The following MXRA7 variants were observed in gnomAD, a reference collection of about 807,000 sequenced individuals.
MXRA7 encodes matrix-remodeling-associated protein 7.
MXRA7 carries 18 observed loss-of-function variants against 17.4 expected under a neutral mutation model. That is an observed-to-expected ratio of 1.03 (90% CI 0.71 to 1.53). The LOEUF (loss-of-function observed/expected upper bound fraction) is 1.53, where lower values mean the gene tolerates loss of function less well. Among genes scored for constraint, MXRA7 ranks in the 40% most tolerant of loss-of-function variants. The pLI is 0.00. For synonymous variants in MXRA7, 70 were observed against 101.7 expected, an observed-to-expected ratio of 0.69 and a Z score of 1.87; for missense variants, 141 against 209.3, an observed-to-expected ratio of 0.67 and a Z score of 2.01.
intron 1 of MXRA7, among the ~76,000 whole-genome samples, chr17:76,692,717 T>C (rs919674194): frequency 2.0e-5 from 3 of 152,056 alleles, no homozygotes. Context: ...ACTACAAATG[T>C]ACCAAAAAAT....
intron 1 of MXRA7, among the ~76,000 whole-genome samples, chr17:76,705,003 C>G (rs1043896027): frequency 2.6e-5 from 4 of 152,152 alleles, no homozygotes; most frequent in African/African-American, 9.7e-5. Context: ...GCTGGTCTCC[C>G]TCCTCCCACA....
intron 1 of MXRA7, chr17:76,688,915 G>C: frequency 3.4e-6 from 1 of 294,232 alleles, no homozygotes; most frequent in Non-Finnish European, 6.2e-6. Context: ...AGCAGCCCCA[G>C]CTGATCCCAT....
chr17:76,685,573 C>A (rs1400346235), intron 2 of MXRA7, among the ~76,000 whole-genome samples: 1 of 152,226 alleles, frequency 6.6e-6, no homozygotes, highest in East Asian at 1.9e-4. Context: ...TCCCCCCACC[C>A]CCTGTGGCTA....
Position 76,710,947 on chromosome 17 carries a change from C to A in MXRA7, c.-1G>T. On this transcript the variant is annotated 5_prime_UTR_variant, in exon 1 of 4. Transcript: ENST00000449428. ...CCAGTAGCTCGGCCGGCGCCTCCAT[C>A]GCGCCGCGGCCGCCGAGTGCGGGCC... The A allele has an allele frequency of 3.0e-6, 3 of 993,158 alleles. No individual in the cohort carries two copies. The highest frequency in any genetic ancestry group is 4.5e-5 in the South Asian group (1 of 22,346). The allele number at this position is 993,158 out of a possible 1,614,324, so 61.5% of individuals were successfully genotyped here.
chr17:76,698,060 C>T (rs1298610159), intron 1 of MXRA7, among the ~76,000 whole-genome samples: 1 of 152,166 alleles, frequency 6.6e-6, no homozygotes, highest in Non-Finnish European at 1.5e-5. Context: ...TCTCTTGTGG[C>T]CCTGTGGCCA....
At chr17:76,679,325 G>A (rs140317961), downstream of MXRA7, among the ~76,000 whole-genome samples, 10 of 150,782 alleles carry the variant, frequency 6.6e-5, no homozygotes, top group African/African-American at 1.9e-4. Context: ...AGGAATTCCC[G>A]TGAACAGAAA....
intron 3 of MXRA7, among the ~76,000 whole-genome samples, chr17:76,683,655 C>G (rs73996671): frequency 6.6e-6 from 1 of 152,166 alleles, no homozygotes; most frequent in Non-Finnish European, 1.5e-5. Context: ...GGAACCTCTG[C>G]CCCCAGACGG....
At chr17:76,677,805 T>C, downstream of MXRA7, 1 of 755,448 alleles carries the variant, frequency 1.3e-6, no homozygotes, top group South Asian at 1.5e-5. Flanking sequence ...CTCTCTCTTG[T>C]GTGACTGCGG....
In MXRA7 at chr17:76,684,094, C is replaced by T. The variant is rs189597500; in HGVS notation, c.500+978G>A. Among the ~76,000 whole-genome samples the T allele has an allele frequency of 1.1e-4, 17 of 151,152 alleles. No homozygotes were observed. The East Asian group carries it at 3.0e-3, about 27-fold the overall frequency. ...CTGCTGAGGGTCGAGAGCGCTGATG[C>T]CAGCAGCGGGAGGGGAGACAGGGCC... On this transcript the variant is annotated intron_variant, in intron 3 of 3. Coordinates refer to ENST00000449428, the MANE Select transcript of MXRA7 (RefSeq NM_198530.4).
At chr17:76,689,247 A>G (rs1230229221) in intron 1 of MXRA7, 1 of 152,098 alleles carries the variant, frequency 6.6e-6, no homozygotes, top group Non-Finnish European at 1.5e-5. Flanking sequence ...CCGCCACCCA[A>G]GCCCAGCTAA....
intron 1 of MXRA7, among the ~76,000 whole-genome samples, chr17:76,700,901 C>A (rs546252311): frequency 1.3e-5 from 2 of 151,770 alleles, no homozygotes; most frequent in African/African-American, 4.8e-5. Context: ...ACCGACTGCG[C>A]GGAGGCTCAG....
In MXRA7 at chr17:76,710,787, G is replaced by C; in HGVS notation, c.160C>G (p.Pro54Ala). 2 of 968,410 alleles carry C rather than the reference G, an allele frequency of 2.1e-6. No individual in the cohort carries two copies. The highest frequency in any genetic ancestry group is 5.7e-5 in the Admixed American group (1 of 17,474). 60.0% of individuals were successfully genotyped at this position (968,410 alleles called of 1,614,324 possible). ...PAPPAEATGA[P>A]APSRPCAPEP... is the part of the protein sequence containing the mutation. ...GGGGCGCAGGGGCGGGACGGCGCCG[G>C]GGCCCCGGTGGCCTCGGCCGGGGGC... is the stretch of plus-strand genomic sequence containing the variant. Residue 54 changes from proline (P) to alanine (A), a missense_variant, in exon 1 of 4, where the codon CCG becomes GCG. This residue lies in a region of MXRA7 where 72 missense variants were observed against 111.9 expected (regional missense o/e 0.64). Transcript: ENST00000449428.
chr17:76,679,210 C>T (rs908253244), downstream of MXRA7, among the ~76,000 whole-genome samples: 1 of 151,764 alleles, frequency 6.6e-6, no homozygotes, highest in Non-Finnish European at 1.5e-5. Context: ...ATCACTTAAG[C>T]CCACGAGGTC....
downstream of MXRA7, among the ~76,000 whole-genome samples, chr17:76,679,400 CAT>C (rs2076269407): frequency 6.6e-6 from 1 of 151,986 alleles, no homozygotes; most frequent in African/African-American, 2.4e-5. Context: ...CAGATCATGT[CAT>C]GTGGTTTTGA....
At position 76,681,179 on chromosome 17, in the gene MXRA7, G is replaced by A. The variant is rs1248341197; in HGVS notation, c.501-300C>T. ...TTAAGGAAGGAACTTGGGCATTTGA[G>A]TTGCCAAGGGCCTTTCTGATCTTGG... On this transcript the variant is annotated intron_variant, in intron 3 of 3. Transcript: ENST00000449428. The surrounding 1 kb of genome is among the most constrained non-coding windows in gnomAD (Gnocchi z 4.7). 6.6e-6 allele frequency among the ~76,000 whole-genome samples: 1 copy of A among 152,186 alleles called. No individual in the cohort carries two copies. The highest frequency in any genetic ancestry group is 2.4e-5 in the African/African-American group (1 of 41,434).
chr17:76,688,698 GAC>G, intron 1 of MXRA7: 3 of 1,233,992 alleles, frequency 2.4e-6, no homozygotes, highest in Non-Finnish European at 3.0e-6. Context: ...CCCACACAGA[GAC>G]ACAATAAACA....
chr17:76,699,149 A>G, intron 1 of MXRA7, among the ~76,000 whole-genome samples: 1 of 151,238 alleles, frequency 6.6e-6, no homozygotes, highest in East Asian at 2.0e-4. Flanking sequence ...CTCTCCTCCA[A>G]TTCATCCTTT....
At chr17:76,693,798 A>G (rs2076503596) in intron 1 of MXRA7, among the ~76,000 whole-genome samples, 1 of 152,222 alleles carries the variant, frequency 6.6e-6, no homozygotes, top group South Asian at 2.1e-4. Flanking sequence ...CCGAGATCAC[A>G]CCACTACACT....
chr17:76,673,335 G>C (rs1430984075), exon 4 of MXRA7: 2 of 152,256 alleles, frequency 1.3e-5, no homozygotes, highest in African/African-American at 4.8e-5. Context: ...GAGAAGTAGA[G>C]ACTAGACGTG....
Sources: allele counts gnomAD v4.1 joint callset (sites outside exome capture counted in the v4.1 genomes callset), GRCh38; gene constraint gnomAD v4.1.1; regional missense constraint gnomAD v4.1.1; non-coding constraint Gnocchi (gnomAD v3.1); transcripts MANE v1.5; gene names NCBI Gene and HGNC (gene_info 2026-07-23, HGNC 2026-07-21).